TGIF2: variants seen among roughly 807,000 people sequenced by gnomAD.
TGIF2 encodes the protein homeobox protein TGIF2.
A neutral mutation model predicts 15.1 loss-of-function variants in TGIF2; 5 were observed. That is an observed-to-expected ratio of 0.33 (90% confidence interval 0.17 to 0.70). The LOEUF is 0.70. Ranked by LOEUF, TGIF2 falls within the 30% of genes least tolerant of loss-of-function variation. The probability of loss-of-function intolerance (pLI) is 0.67; values close to 1 mark genes in which losing one functional copy is unlikely to be tolerated. For missense variants in TGIF2, 264 were observed against 302.5 expected (o/e 0.87, Z 0.94); for synonymous variants, 131 against 128.9 (o/e 1.02, Z -0.11).
In TGIF2 at chr20:36,578,870, C is replaced by G. The variant is rs761030396; in HGVS notation, c.96C>G (p.Ile32Met). Residue 32 changes from isoleucine (I) to methionine (M), a missense_variant, in exon 2 of 3, where the codon ATC becomes ATG. Physicochemically the swap from Ile to Met is conservative, Grantham distance 10. Coordinates refer to ENST00000373872, the MANE Select transcript of TGIF2 (RefSeq NM_021809.7). ...RGNLPKESVK[I>M]LRDWLYLHRY... ...ACCTGCCCAAGGAGTCGGTGAAGAT[C>G]CTCCGGGACTGGCTGTACTTGCACC... is the stretch of plus-strand genomic sequence containing the variant. 6.2e-7 allele frequency: 1 copy of G among 1,614,190 alleles called. No homozygotes were observed. The highest frequency in any genetic ancestry group is 8.5e-7 in the Non-Finnish European group (1 of 1,180,034).
intron 2 of TGIF2, 131 bp downstream of exon 2, chr20:36,579,097 T>A (rs1231899598): frequency 7.9e-7 from 1 of 1,273,256 alleles, no homozygotes; most frequent in African/African-American, 1.5e-5. Flanking sequence ...CTTCTTGGGT[T>A]AGGGGAGAAC....
intron 2 of TGIF2, among the ~76,000 whole-genome samples, chr20:36,584,381 G>T (rs2038609354): frequency 6.6e-6 from 1 of 152,160 alleles, no homozygotes; most frequent in African/African-American, 2.4e-5. Flanking sequence ...ATAGTGCTTG[G>T]TATCTGGTAG....
intron 2 of TGIF2, among the ~76,000 whole-genome samples, chr20:36,587,880 CAT>C (rs1033240809): frequency 2.6e-5 from 4 of 151,934 alleles, no homozygotes; most frequent in African/African-American, 9.7e-5. Context: ...GCCTGGCCAA[CAT>C]GGGGAAACCC....
chr20:36,582,619 G>A (rs1341143910), intron 2 of TGIF2, among the ~76,000 whole-genome samples: 10 of 152,134 alleles, frequency 6.6e-5, no homozygotes, highest in Admixed American at 5.2e-4. Flanking sequence ...GAGAACTGGC[G>A]AACCCCTCAA....
intron 1 of TGIF2, among the ~76,000 whole-genome samples, chr20:36,575,861 G>A (rs1265267887): frequency 6.6e-6 from 1 of 152,158 alleles, no homozygotes. Flanking sequence ...GGGAGGCCGA[G>A]GCGGGCAGAT....
chr20:36,576,885 T>G (rs2038440767), intron 1 of TGIF2, among the ~76,000 whole-genome samples: 2 of 152,118 alleles, frequency 1.3e-5, no homozygotes. Context: ...TTGTATTTTT[T>G]GTAGAGATGG....
chr20:36,583,305 T>G (rs1046081247), intron 2 of TGIF2, among the ~76,000 whole-genome samples: 6 of 149,776 alleles, frequency 4.0e-5, no homozygotes, highest in Non-Finnish European at 7.4e-5. Context: ...AAAAAAAACC[T>G]TCAGTGGTCT....
At chr20:36,584,396 G>GTGCTCAGTAA (rs2038610093) in intron 2 of TGIF2, among the ~76,000 whole-genome samples, 1 of 152,142 alleles carries the variant, frequency 6.6e-6, no homozygotes. Flanking sequence ...TGGTAGGTAG[G>GTGCTCAGTAA]TGCTCAGTAA....
intron 1 of TGIF2, among the ~76,000 whole-genome samples, chr20:36,576,517 A>C (rs780542997): frequency 1.3e-5 from 2 of 152,146 alleles, no homozygotes; most frequent in Non-Finnish European, 2.9e-5. Flanking sequence ...GACAGTATAC[A>C]GCTCACAAGA....
chr20:36,578,618 A>C, intron 1 of TGIF2, 123 bp from the exon 2 acceptor site: 1 of 1,112,864 alleles, frequency 9.0e-7, no homozygotes, highest in East Asian at 2.6e-5. Context: ...ACGGCCTGAG[A>C]TTCTGAATTG....
chr20:36,583,040 C>G (rs1048616384), intron 2 of TGIF2, among the ~76,000 whole-genome samples: 1 of 152,060 alleles, frequency 6.6e-6, no homozygotes, highest in Non-Finnish European at 1.5e-5. Flanking sequence ...CTTTGGGAGG[C>G]TGAGGCAGGC....
intron 1 of TGIF2, among the ~76,000 whole-genome samples, chr20:36,577,179 T>TTTTTA (rs1294125254): frequency 6.6e-6 from 1 of 151,812 alleles, no homozygotes; most frequent in Non-Finnish European, 1.5e-5. Flanking sequence ...ACTGGGCTAA[T>TTTTTA]TTTTATTTTA....
chr20:36,591,653 A>G lies in TGIF2; in HGVS notation c.*222A>G, dbSNP rs2038771894. 2.0e-6 allele frequency: 1 copy of G among 501,502 alleles called. No homozygotes were observed. Among genetic ancestry groups the G allele is most frequent in the South Asian group, 3.3e-5 (1 of 30,160 alleles). The allele number at this position is 501,502 out of a possible 1,614,324, so 31.1% of individuals were successfully genotyped here. On this transcript the variant is annotated 3_prime_UTR_variant, in exon 3 of 3. Coordinates refer to ENST00000373872, the MANE Select transcript of TGIF2 (RefSeq NM_021809.7). The surrounding 1 kb of genome is among the most constrained non-coding windows in gnomAD (Gnocchi z 5.3). Reference sequence around the variant, plus strand: ...CGTTTCTCCAGGCCTCCGCTCAGTGATGAGACCAAGAGATCGGAGACAAGC... The same window carrying G: ...CGTTTCTCCAGGCCTCCGCTCAGTGGTGAGACCAAGAGATCGGAGACAAGC...
rs927744246 is a variant in TGIF2 at position 36,583,927 on chromosome 20, C to T, written c.192+4961C>T. ...AGAAAAGAAAAAAAAACTAGCTGGG[C>T]GTGGTTGCAGGTACCTGTAATCCCA... On this transcript the variant is annotated intron_variant, in intron 2 of 2. Coordinates refer to ENST00000373872, the MANE Select transcript of TGIF2 (RefSeq NM_021809.7). Among the ~76,000 whole-genome samples the T allele has an allele frequency of 2.0e-5, 3 of 151,878 alleles. No individual in the cohort carries two copies. In the South Asian group the frequency reaches 6.3e-4, roughly 32 times the overall value.
chr20:36,577,219 A>G (rs2038448459), intron 1 of TGIF2, among the ~76,000 whole-genome samples: 1 of 151,530 alleles, frequency 6.6e-6, no homozygotes, highest in Non-Finnish European at 1.5e-5. Context: ...TCTTTTGTTG[A>G]GACAGGGAAT....
intron 2 of TGIF2, among the ~76,000 whole-genome samples, chr20:36,582,012 G>C (rs1296194264): frequency 3.9e-5 from 6 of 152,116 alleles, no homozygotes; most frequent in African/African-American, 1.4e-4. Flanking sequence ...GATGCGGGCG[G>C]ATCACCTGAG....
At chr20:36,574,752 C>G (rs2038386628) in intron 1 of TGIF2, 1 of 152,224 alleles carries the variant, frequency 6.6e-6, no homozygotes, top group Non-Finnish European at 1.5e-5. Flanking sequence ...CCCCGAGCGC[C>G]GGACGATTCC....
chr20:36,592,151 A>C lies in TGIF2; in HGVS notation c.*720A>C, dbSNP rs2038778618. The stretch of plus-strand genomic sequence containing the variant: ...GGTTGTTTTATCATTGGTTTGGTTT[A>C]CCAAAAAAAAGGCAGGGAAAAAAAA... On this transcript the variant is annotated 3_prime_UTR_variant, in exon 3 of 3. Coordinates refer to ENST00000373872, the MANE Select transcript of TGIF2 (RefSeq NM_021809.7). 1 of 150,000 alleles carries C rather than the reference A, an allele frequency of 6.7e-6. No individual in the cohort carries two copies. Among genetic ancestry groups the C allele is most frequent in the South Asian group, 2.1e-4 (1 of 4,728 alleles). The allele number at this position is 150,000 out of a possible 1,614,324, so 9.3% of individuals were successfully genotyped here.
chr20:36,579,704 CT>C (rs1395597476), intron 2 of TGIF2, among the ~76,000 whole-genome samples: 2 of 152,154 alleles, frequency 1.3e-5, no homozygotes, highest in African/African-American at 4.8e-5. Context: ...GTCAGAGGTT[CT>C]GTGTTCATAA....
Sources: gnomAD v4.1 joint callset for allele counts (sites outside exome capture counted in the v4.1 genomes callset) on GRCh38, gnomAD v4.1.1 for gene constraint, Gnocchi (gnomAD v3.1) non-coding constraint, MANE v1.5 for transcripts, NCBI Gene and HGNC (gene_info 2026-07-23, HGNC 2026-07-21) for gene names.